The following RGS6 variants were observed in gnomAD, a reference collection of about 807,000 sequenced individuals.
RGS6 encodes regulator of G protein signaling 6.
Under a neutral mutation model 78.5 loss-of-function variants are expected in RGS6, and 30 were observed. That is an observed-to-expected ratio of 0.38 (90% CI 0.29 to 0.52). The LOEUF is 0.52. Among genes scored for constraint, RGS6 ranks in the 20% least tolerant of loss-of-function variants. RGS6 has a pLI of 0.85. For missense variants in RGS6, 495 were observed against 609.7 expected, an observed-to-expected ratio of 0.81 and a Z score of 1.98; for synonymous variants, 206 against 206.0, an observed-to-expected ratio of 1.00 and a Z score of 0.00.
At chr14:72,128,384 A>G (rs1014265192) in intron 2 of RGS6, among the ~76,000 whole-genome samples, 5 of 152,190 alleles carry the variant, frequency 3.3e-5, no homozygotes, top group South Asian at 2.1e-4. Context: ...AGTGTCCACA[A>G]TAGAATTTGT....
intron 2 of RGS6, among the ~76,000 whole-genome samples, chr14:72,321,147 A>G (rs1186972524): frequency 2.0e-5 from 3 of 151,952 alleles, no homozygotes; most frequent in Non-Finnish European, 4.4e-5. Flanking sequence ...TGGAAAGTAA[A>G]ATGTCAGTGT....
chr14:72,194,612 T>C (rs1412043048), intron 2 of RGS6, among the ~76,000 whole-genome samples: 1 of 152,176 alleles, frequency 6.6e-6, no homozygotes, highest in African/African-American at 2.4e-5. Context: ...TCCTCCCACC[T>C]TGGCCTTCCA....
chr14:72,289,055 T>G (rs886079418), intron 2 of RGS6, among the ~76,000 whole-genome samples: 2 of 152,170 alleles, frequency 1.3e-5, no homozygotes, highest in African/African-American at 4.8e-5. Flanking sequence ...ATATACAACA[T>G]GTCTACAATA....
At chr14:72,396,545 C>T (rs201510051) in intron 3 of RGS6, among the ~76,000 whole-genome samples, 6,562 of 151,444 alleles carry the variant, frequency 0.043, 541 homozygotes, top group East Asian at 0.42. Context: ...GCTCTTTAGT[C>T]TGATTAGATC....
the RGS6 span, among the ~76,000 whole-genome samples, chr14:72,601,359 C>T: frequency 6.6e-6 from 1 of 152,070 alleles, no homozygotes; most frequent in East Asian, 1.9e-4. Flanking sequence ...CTCAGCACAG[C>T]TCCCAACCCT....
At chr14:72,243,860 A>G (rs2053546000) in intron 2 of RGS6, among the ~76,000 whole-genome samples, 1 of 152,154 alleles carries the variant, frequency 6.6e-6, no homozygotes, top group Admixed American at 6.5e-5. Context: ...AGGAAGCTAT[A>G]AAGGGAATAC....
At chr14:72,629,976 C>G in the RGS6 span, among the ~76,000 whole-genome samples, 1 of 152,090 alleles carries the variant, frequency 6.6e-6, no homozygotes, top group Non-Finnish European at 1.5e-5. Flanking sequence ...ACCATATTCC[C>G]CAGCAGGTGT....
At chr14:72,336,469 C>T (rs1279606855) in intron 2 of RGS6, among the ~76,000 whole-genome samples, 2 of 151,908 alleles carry the variant, frequency 1.3e-5, no homozygotes, top group African/African-American at 4.8e-5. Flanking sequence ...TAGTTTGGCT[C>T]ATGGAAAGCT....
At chr14:71,913,098 A>G in the RGS6 span, among the ~76,000 whole-genome samples, 2 of 152,128 alleles carry the variant, frequency 1.3e-5, no homozygotes, top group Non-Finnish European at 2.9e-5. Context: ...AAGTGCTGGG[A>G]TTACAGGCGT....
At chr14:72,442,951 G>A (rs1597581587) in intron 3 of RGS6, among the ~76,000 whole-genome samples, 1 of 152,220 alleles carries the variant, frequency 6.6e-6, no homozygotes, top group East Asian at 1.9e-4. Flanking sequence ...GACCAAGAAA[G>A]GATGGGCTCA....
intron 2 of RGS6, among the ~76,000 whole-genome samples, chr14:72,211,572 A>C (rs534152299): frequency 1.1e-4 from 17 of 152,326 alleles, no homozygotes; most frequent in African/African-American, 4.1e-4. Flanking sequence ...ATAGGTTCAA[A>C]GCTTATTGGA....
intron 2 of RGS6, among the ~76,000 whole-genome samples, chr14:72,236,354 C>T (rs1259140510): frequency 2.0e-5 from 3 of 152,158 alleles, no homozygotes; most frequent in Non-Finnish European, 4.4e-5. Context: ...CACCACTAAA[C>T]AGTTCAGCAT....
chr14:72,280,105 C>T lies in RGS6; in HGVS notation c.85-71990C>T, dbSNP rs556369780. On this transcript the variant is annotated intron_variant, in intron 2 of 17. Transcript: ENST00000553525. Reference sequence around the variant, plus strand: ...GGTTGTGAAGTCAGCATGGTCCCCACCGCCACGCCCCCACCCCAGGCCAAA... The same window carrying T: ...GGTTGTGAAGTCAGCATGGTCCCCATCGCCACGCCCCCACCCCAGGCCAAA... Among the ~76,000 whole-genome samples, 5 of 152,180 alleles carry T rather than the reference C, an allele frequency of 3.3e-5. No individual in the cohort carries two copies. In the South Asian group the frequency reaches 1.0e-3, roughly 32 times the overall value.
At chr14:72,065,005 T>C (rs1381734373) in intron 2 of RGS6, among the ~76,000 whole-genome samples, 1 of 152,236 alleles carries the variant, frequency 6.6e-6, no homozygotes, top group Non-Finnish European at 1.5e-5. Context: ...ACTATTATAA[T>C]AGTCAGATTC....
chr14:72,239,994 C>T (rs1328321215), intron 2 of RGS6, among the ~76,000 whole-genome samples: 1 of 152,088 alleles, frequency 6.6e-6, no homozygotes, highest in African/African-American at 2.4e-5. Flanking sequence ...CATATATTAA[C>T]TAGTAACTGT....
chr14:72,160,527 A>G (rs376933805), intron 2 of RGS6, among the ~76,000 whole-genome samples: 80 of 152,308 alleles, frequency 5.3e-4, no homozygotes, highest in Admixed American at 2.5e-3. Flanking sequence ...TAAAATTCCT[A>G]TGTTGAAGTC....
the RGS6 span, among the ~76,000 whole-genome samples, chr14:71,889,233 G>C: frequency 1.3e-5 from 2 of 152,146 alleles, no homozygotes; most frequent in African/African-American, 4.8e-5. Flanking sequence ...TTTGACGTAG[G>C]AGGAAGGGCG....
intron 1 of RGS6, among the ~76,000 whole-genome samples, chr14:71,956,710 C>T (rs1317176798): frequency 1.3e-5 from 2 of 152,176 alleles, no homozygotes; most frequent in Non-Finnish European, 2.9e-5. Context: ...AAATGTTAAT[C>T]TCCTTTGGCA....
downstream of RGS6, among the ~76,000 whole-genome samples, chr14:72,566,926 C>T (rs1319905698): frequency 6.6e-6 from 1 of 152,168 alleles, no homozygotes; most frequent in African/African-American, 2.4e-5. Context: ...CTGCTGCATA[C>T]AGACGGTGCT....
Sources: gnomAD v4.1 joint callset for allele counts (sites outside exome capture counted in the v4.1 genomes callset) on GRCh38, gnomAD v4.1.1 for gene constraint, MANE v1.5 for transcripts, NCBI Gene and HGNC (gene_info 2026-07-23, HGNC 2026-07-21) for gene names.